PLA2R1: variants seen among roughly 807,000 people sequenced by gnomAD.
PLA2R1 encodes the protein phospholipase A2 receptor 1.
In PLA2R1, 158 loss-of-function variants were observed where a neutral mutation model predicts 195.9. The observed-to-expected ratio is 0.81, with a 90% CI of 0.71 to 0.92. The LOEUF (loss-of-function observed/expected upper bound fraction) is 0.92, where lower values mean the gene tolerates loss of function less well. PLA2R1 is among the 40% of genes least tolerant of loss of function. PLA2R1 has a pLI of 0.00. For missense variants in PLA2R1, 1,626 were observed against 1,764.6 expected (o/e 0.92, Z 1.41); for synonymous variants, 586 against 598.2 (o/e 0.98, Z 0.30).
At chr2:160,059,069 A>C (rs1307367223) in intron 1 of PLA2R1, among the ~76,000 whole-genome samples, 1 of 152,196 alleles carries the variant, frequency 6.6e-6, no homozygotes, top group Non-Finnish European at 1.5e-5. Flanking sequence ...AGGAGCTCGC[A>C]ACCTAGATCT....
intron 11 of PLA2R1, among the ~76,000 whole-genome samples, chr2:159,990,675 T>C (rs770032707): frequency 6.6e-6 from 1 of 152,222 alleles, no homozygotes; most frequent in Non-Finnish European, 1.5e-5. Flanking sequence ...GCAAGTTTCC[T>C]GCAATGCTGT....
intron 3 of PLA2R1, among the ~76,000 whole-genome samples, chr2:160,035,910 C>T (rs1358077284): frequency 6.6e-6 from 1 of 152,158 alleles, no homozygotes; most frequent in Non-Finnish European, 1.5e-5. Flanking sequence ...ATCAAACAAG[C>T]CCCTTCATCA....
chr2:159,983,059 C>T (rs1690070805), intron 13 of PLA2R1, among the ~76,000 whole-genome samples: 1 of 152,002 alleles, frequency 6.6e-6, no homozygotes. Flanking sequence ...GGGTGGGGGG[C>T]TCACAGGAAG....
chr2:160,002,934 T>C (rs2105382699), intron 11 of PLA2R1, among the ~76,000 whole-genome samples: 1 of 152,172 alleles, frequency 6.6e-6, no homozygotes, highest in South Asian at 2.1e-4. Flanking sequence ...AAACTAAGAA[T>C]AATAGAAATT....
chr2:160,007,891 C>T (rs1692106382), intron 10 of PLA2R1, among the ~76,000 whole-genome samples: 1 of 152,190 alleles, frequency 6.6e-6, no homozygotes, highest in Admixed American at 6.5e-5. Context: ...AAAAGTTCAT[C>T]CTAAAATCCA....
At chr2:160,003,369 C>T (rs940943637) in intron 11 of PLA2R1, among the ~76,000 whole-genome samples, 4 of 151,568 alleles carry the variant, frequency 2.6e-5, no homozygotes, top group Admixed American at 2.6e-4. Flanking sequence ...ACAAAACATA[C>T]CATAGAAAAA....
At chr2:159,994,346 G>A (rs1214320274) in intron 11 of PLA2R1, among the ~76,000 whole-genome samples, 2 of 152,132 alleles carry the variant, frequency 1.3e-5, no homozygotes, top group East Asian at 3.9e-4. Context: ...AATTGGGGAG[G>A]GGCAGGAAAC....
chr2:159,942,046 A>T, intron 29 of PLA2R1, 54 bp from the exon 30 acceptor site: 1 of 1,543,472 alleles, frequency 6.5e-7, no homozygotes, highest in Non-Finnish European at 8.9e-7. Context: ...CGATGAAGTA[A>T]TATAGATACT....
chr2:160,031,602 A>T (rs1391927447), intron 4 of PLA2R1, among the ~76,000 whole-genome samples: 1 of 152,190 alleles, frequency 6.6e-6, no homozygotes, highest in Admixed American at 6.5e-5. Flanking sequence ...TGAGGCACAG[A>T]GCGGTTAAAT....
intron 1 of PLA2R1, among the ~76,000 whole-genome samples, chr2:160,056,585 G>A (rs935297041): frequency 1.3e-5 from 2 of 152,080 alleles, no homozygotes; most frequent in African/African-American, 4.8e-5. Flanking sequence ...TTCTTTTGTT[G>A]TTGTTTTTAA....
At chr2:160,028,452 G>T in intron 5 of PLA2R1, 91 bp from the exon 6 acceptor site, 1 of 874,510 alleles carries the variant, frequency 1.1e-6, no homozygotes, top group Non-Finnish European at 1.9e-6. Flanking sequence ...GGGGGACAGC[G>T]TTTCTATTTG....
At chr2:159,973,161 C>A (rs1181202100) in intron 17 of PLA2R1, among the ~76,000 whole-genome samples, 1 of 152,094 alleles carries the variant, frequency 6.6e-6, no homozygotes, top group Non-Finnish European at 1.5e-5. Context: ...GCTCCTCATC[C>A]TGGAATGAAG....
intron 1 of PLA2R1, among the ~76,000 whole-genome samples, chr2:160,060,922 C>A (rs1451776934): frequency 6.6e-6 from 1 of 152,174 alleles, no homozygotes; most frequent in East Asian, 1.9e-4. Context: ...GATGTGCATC[C>A]ACAGGAGCAA....
At chr2:159,924,733 G>C in the PLA2R1 span, among the ~76,000 whole-genome samples, 1 of 143,124 alleles carries the variant, frequency 7.0e-6, no homozygotes, top group African/African-American at 2.9e-5. Context: ...GGGGGCTGGG[G>C]GGGGGGCGGT....
chr2:159,930,617 C>T (rs1338601418), downstream of PLA2R1, among the ~76,000 whole-genome samples: 1 of 152,164 alleles, frequency 6.6e-6, no homozygotes, highest in Non-Finnish European at 1.5e-5. Flanking sequence ...CCAGACACGC[C>T]TACACGGAGG....
rs868212682 is a variant in PLA2R1 at position 159,956,987 on chromosome 2, C to A, written c.2905-360G>T. Among the ~76,000 whole-genome samples, 252 of 148,218 alleles carry A rather than the reference C, an allele frequency of 1.7e-3. 1 individual carries two copies. Among genetic ancestry groups the A allele is most frequent in the Middle Eastern group, 7.0e-3 (2 of 284 alleles). Reference sequence around the variant, plus strand: ...CACATTTAATCTAAAAAAAAAAAAACAAAAACATTCTGGGGGTGGCAATGA... The same window carrying A: ...CACATTTAATCTAAAAAAAAAAAAAAAAAAACATTCTGGGGGTGGCAATGA... On this transcript the variant is annotated intron_variant, in intron 20 of 29. Transcript: ENST00000283243.
intron 10 of PLA2R1, among the ~76,000 whole-genome samples, chr2:160,009,334 C>T (rs1692203321): frequency 6.6e-6 from 1 of 152,154 alleles, no homozygotes; most frequent in African/African-American, 2.4e-5. Context: ...AATGGATAAA[C>T]AATATGTGTA....
Position 159,951,378 on chromosome 2 carries a change from G to A in PLA2R1, c.3502C>T (p.Leu1168=), listed in dbSNP as rs200840410. 3.4e-5 allele frequency: 55 copies of A among 1,613,050 alleles called. No individual in the cohort carries two copies. Among genetic ancestry groups the A allele is most frequent in the Non-Finnish European group, 8.5e-7 (1 of 1,179,042 alleles). The stretch of plus-strand genomic sequence containing the variant: ...AGTCCAATCCAGTGGGCATATCCTA[G>A]CCGGTTGAGGACAACAGTGAGGAAG... ...QSFLTVVLNR[L]GYAHWIGLFT... Residue 1168 remains leucine (L), a synonymous_variant, in exon 24 of 30, where the codon CTA becomes TTA. Transcript: ENST00000283243.
At chr2:159,989,414 A>C (rs1690597933) in intron 11 of PLA2R1, among the ~76,000 whole-genome samples, 1 of 152,174 alleles carries the variant, frequency 6.6e-6, no homozygotes, top group South Asian at 2.1e-4. Context: ...AAGAGAAGGG[A>C]ACGCACACAT....
Sources: allele counts gnomAD v4.1 joint callset (sites outside exome capture counted in the v4.1 genomes callset), GRCh38; gene constraint gnomAD v4.1.1; transcripts MANE v1.5; gene names NCBI Gene and HGNC (gene_info 2026-07-23, HGNC 2026-07-21).